The following CLEC2A variants were observed in gnomAD, a reference collection of about 807,000 sequenced individuals.
CLEC2A encodes keratinocyte-associated C-type lectin.
In CLEC2A, 19 loss-of-function variants were observed where a neutral mutation model predicts 18.6. That is an observed-to-expected ratio of 1.02 (90% CI 0.71 to 1.50). The LOEUF (loss-of-function observed/expected upper bound fraction) is 1.50. Ranked by LOEUF, CLEC2A falls within the 40% of genes most tolerant of loss-of-function variation. The pLI, the probability that CLEC2A is intolerant of heterozygous loss-of-function variation, is 0.00. For synonymous variants in CLEC2A, 74 were observed against 64.0 expected (o/e 1.16, Z -0.75); for missense variants, 190 against 207.9 (o/e 0.91, Z 0.53).
At chr12:9,893,256 T>C in the CLEC2A span, 2 of 1,262,500 alleles carry the variant, frequency 1.6e-6, no homozygotes, top group African/African-American at 1.5e-5. Context: ...AGGTTTATTG[T>C]CGTTGCTTCT....
chr12:9,906,020 G>GTTTTT (rs367651590), intron 4 of CLEC2A, among the ~76,000 whole-genome samples: 7,332 of 82,602 alleles, frequency 0.089, 259 homozygotes, highest in Non-Finnish European at 0.13. Context: ...CCACTTATTA[G>GTTTTT]TTTTGTTTTT....
downstream of CLEC2A, among the ~76,000 whole-genome samples, chr12:9,897,605 C>G (rs1367148300): frequency 6.6e-6 from 1 of 151,450 alleles, no homozygotes; most frequent in Non-Finnish European, 1.5e-5. Context: ...ACAGTGCCAC[C>G]TCACAGATTG....
intron 1 of CLEC2A, among the ~76,000 whole-genome samples, chr12:9,928,362 G>T (rs1301142216): frequency 6.6e-6 from 1 of 152,126 alleles, no homozygotes; most frequent in African/African-American, 2.4e-5. Flanking sequence ...AGCTACTCGG[G>T]AGGTTGAGGC....
At chr12:9,918,359 C>A (rs1177085855) in intron 3 of CLEC2A, among the ~76,000 whole-genome samples, 2 of 152,116 alleles carry the variant, frequency 1.3e-5, no homozygotes, top group African/African-American at 4.8e-5. Flanking sequence ...ATATGGAGTT[C>A]TTTTCCTATT....
chr12:9,922,265 G>T (rs1019637581), intron 2 of CLEC2A, 33 bp from the exon 3 acceptor site: 4 of 1,480,248 alleles, frequency 2.7e-6, no homozygotes, highest in African/African-American at 2.8e-5. Flanking sequence ...ATCAGATAAA[G>T]CATATGTTAA....
chr12:9,905,076 C>T (rs1339589022), intron 4 of CLEC2A, among the ~76,000 whole-genome samples: 1 of 152,148 alleles, frequency 6.6e-6, no homozygotes, highest in Non-Finnish European at 1.5e-5. Flanking sequence ...GTTTGAGTCA[C>T]ATTGATGACG....
chr12:9,901,811 C>A (rs1213834337), intron 4 of CLEC2A, among the ~76,000 whole-genome samples: 1 of 152,074 alleles, frequency 6.6e-6, no homozygotes, highest in Non-Finnish European at 1.5e-5. Flanking sequence ...AAGCAAAAAC[C>A]TTTTATAACC....
chr12:9,924,775 C>T (rs1012866381), intron 2 of CLEC2A, among the ~76,000 whole-genome samples: 3 of 151,948 alleles, frequency 2.0e-5, no homozygotes, highest in Admixed American at 6.6e-5. Context: ...CATGATGCCC[C>T]GAAATATGTC....
downstream of CLEC2A, chr12:9,895,789 C>T: frequency 6.5e-7 from 1 of 1,535,414 alleles, no homozygotes; most frequent in Non-Finnish European, 8.7e-7. Flanking sequence ...GGGCATTTGC[C>T]AGAGAGATGC....
At chr12:9,887,806 C>T in the CLEC2A span, among the ~76,000 whole-genome samples, 1 of 149,546 alleles carries the variant, frequency 6.7e-6, no homozygotes, top group South Asian at 2.1e-4. Flanking sequence ...AATCCCAGCA[C>T]TTTGGGAGGC....
chr12:9,909,933 T>C (rs1003881920), downstream of CLEC2A, among the ~76,000 whole-genome samples: 1 of 152,086 alleles, frequency 6.6e-6, no homozygotes. Flanking sequence ...ATGGGCTGTC[T>C]AGGAATAGGG....
In CLEC2A at chr12:9,913,692, C is replaced by A. The variant is rs1321147205; in HGVS notation, c.411-12G>T. On this transcript the variant is annotated splice_polypyrimidine_tract_variant and intron_variant, in intron 4 of 4. Transcript: ENST00000455827. ...CTATAATTTCAAACCTGAAAAAGAACACTCTAAATCAGTCTGGGAACCACT... is the reference window on the plus strand; with the variant it reads ...CTATAATTTCAAACCTGAAAAAGAAAACTCTAAATCAGTCTGGGAACCACT... The A allele has an allele frequency of 2.0e-6, 3 of 1,498,632 alleles. No homozygotes were observed. The allele number at this position is 1,498,632 out of a possible 1,614,324, so 92.8% of individuals were successfully genotyped here.
At chr12:9,888,463 CT>C in the CLEC2A span, among the ~76,000 whole-genome samples, 1 of 151,276 alleles carries the variant, frequency 6.6e-6, no homozygotes, top group South Asian at 2.1e-4. Context: ...GCACTGCAGC[CT>C]GGGCAACAGA....
In CLEC2A at chr12:9,923,765, C is replaced by T. The variant is rs1863214758; in HGVS notation, c.140-1533G>A. ...ATGCAGCCTTAAAAAAGGATGAGTTCATGTCCTTTGTAGGGACATGGATGA... is the reference window on the plus strand; with the variant it reads ...ATGCAGCCTTAAAAAAGGATGAGTTTATGTCCTTTGTAGGGACATGGATGA... On this transcript the variant is annotated intron_variant, in intron 2 of 4. Coordinates refer to ENST00000455827, the MANE Select transcript of CLEC2A (RefSeq NM_001130711.2). 2.0e-5 allele frequency among the ~76,000 whole-genome samples: 3 copies of T among 152,132 alleles called. No homozygotes were observed. The South Asian group carries it at 6.2e-4, about 31-fold the overall frequency.
At chr12:9,893,401 A>G in the CLEC2A span, 5 of 1,083,596 alleles carry the variant, frequency 4.6e-6, no homozygotes, top group Non-Finnish European at 6.7e-6. Flanking sequence ...AAACAAATGA[A>G]TGAATAAATG....
the CLEC2A span, among the ~76,000 whole-genome samples, chr12:9,878,348 CTT>C: frequency 6.6e-6 from 1 of 152,036 alleles, no homozygotes; most frequent in Non-Finnish European, 1.5e-5. Context: ...TAAAGATACT[CTT>C]TTGTTTTATA....
chr12:9,927,331 T>C (rs1863290945), intron 1 of CLEC2A, among the ~76,000 whole-genome samples: 1 of 152,172 alleles, frequency 6.6e-6, no homozygotes, highest in African/African-American at 2.4e-5. Flanking sequence ...AGATCAAAAA[T>C]GGTACACCTT....
At chr12:9,917,229 T>C (rs1041385315) in intron 3 of CLEC2A, among the ~76,000 whole-genome samples, 1 of 152,210 alleles carries the variant, frequency 6.6e-6, no homozygotes, top group Non-Finnish European at 1.5e-5. Context: ...TTTTAACTTT[T>C]ATTTTAGGTT....
At chr12:9,919,622 G>A (rs1347140092) in intron 3 of CLEC2A, among the ~76,000 whole-genome samples, 1 of 152,206 alleles carries the variant, frequency 6.6e-6, no homozygotes, top group East Asian at 1.9e-4. Context: ...GGAGGCCCAG[G>A]CCTGGAGGAC....
Sources: gnomAD v4.1 joint callset for allele counts (sites outside exome capture counted in the v4.1 genomes callset) on GRCh38, gnomAD v4.1.1 for gene constraint, MANE v1.5 for transcripts, NCBI Gene and HGNC (gene_info 2026-07-23, HGNC 2026-07-21) for gene names.